Variants in RBBP5 observed in about 807,000 individuals in gnomAD.
The protein encoded by RBBP5 is RB binding protein 5, histone lysine methyltransferase complex subunit, also known as retinoblastoma-binding protein 5.
A neutral mutation model predicts 72.2 loss-of-function variants in RBBP5; 5 were observed. That is an observed-to-expected ratio of 0.07 (90% CI 0.04 to 0.15). The LOEUF is 0.15. Among genes scored for constraint, RBBP5 ranks in the 10% least tolerant of loss-of-function variants. The pLI is 1.00. For missense variants in RBBP5, 322 were observed against 652.2 expected, an observed-to-expected ratio of 0.49 and a Z score of 5.51; for synonymous variants, 209 against 237.2, an observed-to-expected ratio of 0.88 and a Z score of 1.09.
chr1:205,098,080 T>TA (rs1431968922), intron 10 of RBBP5, among the ~76,000 whole-genome samples: 1 of 152,144 alleles, frequency 6.6e-6, no homozygotes, highest in African/African-American at 2.4e-5. Flanking sequence ...TCAGAAGAGA[T>TA]AAAATCACAG....
intron 1 of RBBP5, among the ~76,000 whole-genome samples, chr1:205,118,675 A>C (rs1346820377): frequency 6.6e-6 from 1 of 152,204 alleles, no homozygotes; most frequent in Non-Finnish European, 1.5e-5. Flanking sequence ...AACACTGAAC[A>C]TAACAAGGAT....
At chr1:205,118,093 A>T (rs975219707) in intron 1 of RBBP5, among the ~76,000 whole-genome samples, 3 of 151,652 alleles carry the variant, frequency 2.0e-5, no homozygotes, top group African/African-American at 7.3e-5. Context: ...TACAGGCGTG[A>T]GTCACCACAC....
In RBBP5 at chr1:205,087,096, A is replaced by G. The variant is rs1655165172; in HGVS notation, c.*1691T>C. On this transcript the variant is annotated 3_prime_UTR_variant, in exon 14 of 14. Transcript: ENST00000264515. ...CTGGTTTTAAATGATGGAGTGAGAC[A>G]AAGAGGCTCTTGCTGACGTGCTCTA... 6.6e-6 allele frequency: 1 copy of G among 152,194 alleles called. No individual in the cohort carries two copies. Among genetic ancestry groups the G allele is most frequent in the Non-Finnish European group, 1.5e-5 (1 of 68,036 alleles). The allele number at this position is 152,194 out of a possible 1,614,324, so 9.4% of individuals were successfully genotyped here. A position where few individuals can be genotyped will look rare whatever the true frequency, so the allele number is the denominator to read the frequency against.
In RBBP5 at chr1:205,099,719, G is replaced by A. The variant is rs1428465607; in HGVS notation, c.978+22C>T. On this transcript the variant is annotated intron_variant, in intron 9 of 13. Transcript: ENST00000264515. The surrounding 1 kb of genome is among the most constrained non-coding windows in gnomAD (Gnocchi z 4.7). ...AAAAGAAGGGGTAACTAGTTTCGAAGCAAGTAAAATAGAATACTTACTACT... is the reference window on the plus strand; with the variant it reads ...AAAAGAAGGGGTAACTAGTTTCGAAACAAGTAAAATAGAATACTTACTACT... 2 of 1,580,006 alleles carry A rather than the reference G, an allele frequency of 1.3e-6. No homozygotes were observed.
chr1:205,092,841 C>T (rs960588068), intron 13 of RBBP5, among the ~76,000 whole-genome samples: 1 of 152,248 alleles, frequency 6.6e-6, no homozygotes, highest in Non-Finnish European at 1.5e-5. Context: ...CTCAACCTCC[C>T]AAAGTGCTAG....
intron 5 of RBBP5, 21 bp from the exon 6 acceptor site, chr1:205,101,730 G>T (rs1170343144): frequency 1.3e-6 from 2 of 1,533,086 alleles, no homozygotes; most frequent in African/African-American, 1.4e-5. Context: ...AAGGAGGGGG[G>T]AAAAAAGTAA....
chr1:205,092,735 T>A (rs1469896020), intron 13 of RBBP5, among the ~76,000 whole-genome samples: 5 of 151,352 alleles, frequency 3.3e-5, no homozygotes, highest in Non-Finnish European at 5.9e-5. Flanking sequence ...CAGCTCAAGG[T>A]TTTTTCTTGT....
intron 1 of RBBP5, among the ~76,000 whole-genome samples, chr1:205,117,433 G>C (rs1656570396): frequency 6.6e-6 from 1 of 151,878 alleles, no homozygotes; most frequent in Non-Finnish European, 1.5e-5. Flanking sequence ...AGCTGAGGCA[G>C]GTGGATCACC....
intron 13 of RBBP5, 96 bp from the exon 14 acceptor site, chr1:205,088,911 A>T: frequency 8.8e-7 from 1 of 1,142,342 alleles, no homozygotes; most frequent in Non-Finnish European, 1.2e-6. Flanking sequence ...ATGCATTACA[A>T]GCACACGTGG....
Position 205,094,967 on chromosome 1 carries a change from T to A in RBBP5, c.1494A>T (p.Pro498=), listed in dbSNP as rs745688341. The A allele has an allele frequency of 1.2e-6, 2 of 1,614,046 alleles. No homozygotes were observed. Among genetic ancestry groups the A allele is most frequent in the African/African-American group, 2.7e-5 (2 of 74,930 alleles). The stretch of plus-strand genomic sequence containing the variant: ...CCCCTTTGTAGAGTTTCGGTTTAAA[T>A]GGAGAATCTTTCTCTTTACCTTTTG... ...KGSKGKEKDS[P]FKPKLYKGDR... The change falls in exon 13 of 14, where the codon CCA becomes CCT. Residue 498 remains proline (P), a synonymous_variant. Coordinates refer to ENST00000264515, the MANE Select transcript of RBBP5 (RefSeq NM_005057.4).
At chr1:205,095,203 T>C (rs1033162931) in intron 12 of RBBP5, 139 bp from the exon 13 acceptor site, 3 of 842,930 alleles carry the variant, frequency 3.6e-6, no homozygotes, top group Non-Finnish European at 5.4e-6. Flanking sequence ...GTCTTATTTC[T>C]ATAAGTATAA....
chr1:205,113,038 G>A (rs1032982064), intron 3 of RBBP5, among the ~76,000 whole-genome samples: 2 of 152,030 alleles, frequency 1.3e-5, no homozygotes, highest in African/African-American at 4.8e-5. Context: ...CTTGAGCCTG[G>A]GATTTCAAGG....
At chr1:205,100,510 A>G (rs1655778015) in intron 6 of RBBP5, among the ~76,000 whole-genome samples, 1 of 152,134 alleles carries the variant, frequency 6.6e-6, no homozygotes, top group Admixed American at 6.6e-5. Flanking sequence ...AAGTTCCAAG[A>G]CCTCTCTACT....
rs762512155 is a variant in RBBP5 at position 205,101,725 on chromosome 1, G to A, written c.523-16C>T. The A allele has an allele frequency of 1.3e-6, 2 of 1,565,746 alleles. No homozygotes were observed. Among genetic ancestry groups the A allele is most frequent in the African/African-American group, 1.4e-5 (1 of 73,398 alleles). On this transcript the variant is annotated splice_polypyrimidine_tract_variant and intron_variant, in intron 5 of 13. Coordinates refer to ENST00000264515, the MANE Select transcript of RBBP5 (RefSeq NM_005057.4). ...GGACCAAAATCTAAAGTTTAAAGGA[G>A]GGGGGAAAAAAGTAAGTGTTCCAAT...
chr1:205,099,341 G>C lies in RBBP5; in HGVS notation c.979-235C>G, dbSNP rs1655734463. On this transcript the variant is annotated intron_variant, in intron 9 of 13. Coordinates refer to ENST00000264515, the MANE Select transcript of RBBP5 (RefSeq NM_005057.4). The surrounding 1 kb of genome is among the most constrained non-coding windows in gnomAD (Gnocchi z 4.7). ...GCTCTTTTGAATCACTGCCTTCTTT[G>C]GTCATTTTAGGAATTTAGAGGTAAA... is the stretch of plus-strand genomic sequence containing the variant. Among the ~76,000 whole-genome samples, 1 of 151,948 alleles carries C rather than the reference G, an allele frequency of 6.6e-6. No homozygotes were observed. Among genetic ancestry groups the C allele is most frequent in the Non-Finnish European group, 1.5e-5 (1 of 68,004 alleles).
At chr1:205,116,603 A>C (rs1193429860) in intron 1 of RBBP5, among the ~76,000 whole-genome samples, 1 of 152,140 alleles carries the variant, frequency 6.6e-6, no homozygotes, top group African/African-American at 2.4e-5. Context: ...GCAGATCACA[A>C]GGGAGTTCAA....
intron 3 of RBBP5, among the ~76,000 whole-genome samples, chr1:205,112,072 G>GT (rs945221203): frequency 9.9e-5 from 15 of 152,170 alleles, no homozygotes; most frequent in Admixed American, 2.6e-4. Flanking sequence ...AATCCTAACA[G>GT]TTTGGGAGGC....
intron 1 of RBBP5, among the ~76,000 whole-genome samples, chr1:205,118,454 A>G (rs1019381321): frequency 1.3e-5 from 2 of 149,648 alleles, no homozygotes; most frequent in Admixed American, 1.3e-4. Context: ...TACTAAAAAT[A>G]AAAAAAAAAT....
At chr1:205,093,482 ATATATATATATATATATATAT>A (rs1655461041) in intron 13 of RBBP5, among the ~76,000 whole-genome samples, 7 of 5,846 alleles carry the variant, frequency 1.2e-3, no homozygotes, top group East Asian at 0.017. Context: ...AAAAAAAAAT[ATATATATATATATATATATAT>A]ATATATATAT....
Sources: gnomAD v4.1 joint callset for allele counts (sites outside exome capture counted in the v4.1 genomes callset) on GRCh38, gnomAD v4.1.1 for gene constraint, Gnocchi (gnomAD v3.1) non-coding constraint, MANE v1.5 for transcripts, NCBI Gene and HGNC (gene_info 2026-07-23, HGNC 2026-07-21) for gene names.